The following BCAS4 variants were observed in gnomAD, a reference collection of about 807,000 sequenced individuals.
BCAS4 encodes the protein breast carcinoma-amplified sequence 4.
BCAS4 carries 9 observed loss-of-function variants against 15.7 expected under a neutral mutation model. That is an observed-to-expected ratio of 0.57 (90% confidence interval 0.34 to 1.00). The LOEUF is 1.00. Ranked by LOEUF, BCAS4 falls within the 50% of genes least tolerant of loss-of-function variation. BCAS4 has a pLI of 0.02. For missense variants in BCAS4, 225 were observed against 239.1 expected, an observed-to-expected ratio of 0.94 and a Z score of 0.39; for synonymous variants, 101 against 99.5, an observed-to-expected ratio of 1.02 and a Z score of -0.09.
At chr20:50,803,307 C>T (rs1272940451) in intron 1 of BCAS4, among the ~76,000 whole-genome samples, 5 of 152,226 alleles carry the variant, frequency 3.3e-5, no homozygotes, top group African/African-American at 9.6e-5. Context: ...TGCTTTTGCC[C>T]ATGCACAGCA....
At chr20:50,849,401 G>C (rs2088583536) in intron 4 of BCAS4, among the ~76,000 whole-genome samples, 1 of 152,224 alleles carries the variant, frequency 6.6e-6, no homozygotes, top group Non-Finnish European at 1.5e-5. Context: ...CAGGGCAGCA[G>C]AGGCCTGGGG....
chr20:50,882,408 G>A, the BCAS4 span: 20 of 152,314 alleles, frequency 1.3e-4, no homozygotes, highest in African/African-American at 4.3e-4. Flanking sequence ...GTAAAAATGG[G>A]TTAAGAGTTC....
intron 3 of BCAS4, chr20:50,840,487 AG>A (rs1229413808): frequency 9.1e-7 from 1 of 1,102,842 alleles, no homozygotes; most frequent in African/African-American, 1.5e-5. Flanking sequence ...TTGATGTGAA[AG>A]GGGCAGCACA....
At chr20:50,867,688 C>T (rs557303718) in intron 4 of BCAS4, among the ~76,000 whole-genome samples, 3 of 152,278 alleles carry the variant, frequency 2.0e-5, no homozygotes, top group African/African-American at 7.2e-5. Flanking sequence ...CCAAGGTGGG[C>T]AGATCACTTG....
At chr20:50,826,393 A>T (rs2088278121) in intron 2 of BCAS4, among the ~76,000 whole-genome samples, 1 of 152,160 alleles carries the variant, frequency 6.6e-6, no homozygotes, top group African/African-American at 2.4e-5. Context: ...CTGCCCGGGG[A>T]GACTCAGGCC....
intron 2 of BCAS4, among the ~76,000 whole-genome samples, chr20:50,827,293 A>G (rs780811401): frequency 6.6e-6 from 1 of 152,148 alleles, no homozygotes; most frequent in Non-Finnish European, 1.5e-5. Flanking sequence ...GATGTTTTTC[A>G]TGTGGTTAGA....
intron 1 of BCAS4, among the ~76,000 whole-genome samples, chr20:50,816,214 C>T (rs553912353): frequency 1.8e-4 from 27 of 152,094 alleles, no homozygotes; most frequent in African/African-American, 5.8e-4. Flanking sequence ...TTAGTAGAGA[C>T]GGGGTTTCGC....
intron 1 of BCAS4, 39 bp downstream of exon 1, chr20:50,795,212 C>T: frequency 1.5e-6 from 2 of 1,344,972 alleles, no homozygotes; most frequent in South Asian, 3.4e-5. Context: ...AGAGGGTTCT[C>T]GCGGTTAGGG....
Position 50,876,685 on chromosome 20 carries a change from A to C in BCAS4, c.*77A>C. On this transcript the variant is annotated 3_prime_UTR_variant, in exon 5 of 5. Transcript: ENST00000371608. ...TGCAGCTTGGGGGTTTTTTCTTTGTATTGCTGTTTATTTTATATTTTAAAA... is the reference window on the plus strand; with the variant it reads ...TGCAGCTTGGGGGTTTTTTCTTTGTCTTGCTGTTTATTTTATATTTTAAAA... The C allele has an allele frequency of 6.8e-7, 1 of 1,474,720 alleles. No individual in the cohort carries two copies. The highest frequency in any genetic ancestry group is 1.9e-4 in the Middle Eastern group (1 of 5,364). The allele number at this position is 1,474,720 out of a possible 1,614,324, so 91.4% of individuals were successfully genotyped here.
At position 50,876,487 on chromosome 20, in the gene BCAS4, A is replaced by C; in HGVS notation, c.401A>C (p.Lys134Thr). The stretch of plus-strand genomic sequence containing the variant: ...GAGCTTCATTTCTTGTCATTCCAGA[A>C]GTCACCTGCACCGGTGCCCGTGACG... ...GSAGLPSFRN[K>T]SPAPVPVTYE... The change falls in exon 5 of 5, where the codon AAG becomes ACG. Residue 134 changes from lysine to threonine, a missense_variant and splice_region_variant. Physicochemically the swap from Lys to Thr is moderately conservative, Grantham distance 78. Coordinates refer to ENST00000371608, the MANE Select transcript of BCAS4 (RefSeq NM_198799.4). 6.2e-7 allele frequency: 1 copy of C among 1,612,826 alleles called. No individual in the cohort carries two copies. The highest frequency in any genetic ancestry group is 8.5e-7 in the Non-Finnish European group (1 of 1,179,598).
intron 1 of BCAS4, among the ~76,000 whole-genome samples, chr20:50,810,900 T>C (rs2088053745): frequency 6.6e-6 from 1 of 151,756 alleles, no homozygotes; most frequent in African/African-American, 2.4e-5. Flanking sequence ...ATGAAAAAAA[T>C]AGTTATGTTA....
At chr20:50,827,836 C>T (rs1039874932) in intron 2 of BCAS4, among the ~76,000 whole-genome samples, 1 of 152,172 alleles carries the variant, frequency 6.6e-6, no homozygotes, top group Non-Finnish European at 1.5e-5. Flanking sequence ...AAGCGATTCT[C>T]CTGCCTCAGC....
intron 3 of BCAS4, 47 bp downstream of exon 3, chr20:50,830,427 CT>C: frequency 6.6e-7 from 1 of 1,517,172 alleles, no homozygotes. Flanking sequence ...CTTGATCTTG[CT>C]TTTGCCTTTT....
chr20:50,840,237 G>A (rs1324105462), intron 3 of BCAS4, among the ~76,000 whole-genome samples: 2 of 151,598 alleles, frequency 1.3e-5, no homozygotes, highest in Non-Finnish European at 2.9e-5. Flanking sequence ...CTTTTTATTT[G>A]CATATTTAAA....
chr20:50,876,665 CT>C lies in BCAS4; in HGVS notation c.*59del. The C allele has an allele frequency of 6.4e-7, 1 of 1,556,484 alleles. No individual in the cohort carries two copies. Among genetic ancestry groups the C allele is most frequent in the African/African-American group, 1.4e-5 (1 of 72,086 alleles). On this transcript the variant is annotated 3_prime_UTR_variant, in exon 5 of 5. Coordinates refer to ENST00000371608, the MANE Select transcript of BCAS4 (RefSeq NM_198799.4). ...AAGTGACATTGTGTACACACTGCAGCTTGGGGGTTTTTTCTTTGTATTGCTG... is the reference window on the plus strand; with the variant it reads ...AAGTGACATTGTGTACACACTGCAGCTGGGGGTTTTTTCTTTGTATTGCTG...
intron 3 of BCAS4, among the ~76,000 whole-genome samples, chr20:50,833,287 C>T (rs931838869): frequency 2.0e-5 from 3 of 152,196 alleles, no homozygotes; most frequent in Non-Finnish European, 4.4e-5. Context: ...CCAGGTTGTC[C>T]AACCCTTGCC....
chr20:50,864,367 A>G (rs1475013051), intron 4 of BCAS4, among the ~76,000 whole-genome samples: 4 of 151,328 alleles, frequency 2.6e-5, no homozygotes, highest in African/African-American at 9.7e-5. Context: ...ATCCCTGCAG[A>G]GGATTGTTGT....
At chr20:50,794,995 T>G (rs1479577930), upstream of BCAS4, 6 of 1,318,812 alleles carry the variant, frequency 4.5e-6, no homozygotes, top group East Asian at 6.2e-5. Context: ...CCGCGGGGCA[T>G]GCAGCGGACC....
chr20:50,850,255 C>G (rs1240358573), intron 4 of BCAS4, among the ~76,000 whole-genome samples: 1 of 152,228 alleles, frequency 6.6e-6, no homozygotes, highest in South Asian at 2.1e-4. Context: ...ACACCAGAGG[C>G]AGATGCTATT....
Sources: allele counts gnomAD v4.1 joint callset (sites outside exome capture counted in the v4.1 genomes callset), GRCh38; gene constraint gnomAD v4.1.1; transcripts MANE v1.5; gene names NCBI Gene and HGNC (gene_info 2026-07-23, HGNC 2026-07-21).